DPYD: variants seen among roughly 807,000 people sequenced by gnomAD.
The protein encoded by DPYD is dihydropyrimidine dehydrogenase.
Under a neutral mutation model 116.2 loss-of-function variants are expected in DPYD, and 109 were observed. That is an observed-to-expected ratio of 0.94 (90% confidence interval 0.80 to 1.10). The LOEUF (loss-of-function observed/expected upper bound fraction) is 1.10. Ranked by LOEUF, DPYD falls within the 50% of genes least tolerant of loss-of-function variation. DPYD has a pLI of 0.00. For missense variants in DPYD, 1,302 were observed against 1,254.5 expected, an observed-to-expected ratio of 1.04 and a Z score of -0.57; for synonymous variants, 440 against 432.0, an observed-to-expected ratio of 1.02 and a Z score of -0.23.
chr1:97,187,841 T>A (rs6692657), intron 20 of DPYD, among the ~76,000 whole-genome samples: 1 of 152,238 alleles, frequency 6.6e-6, no homozygotes, highest in East Asian at 1.9e-4. Context: ...CTTGTCCTAG[T>A]GTATACTTTT....
intron 11 of DPYD, among the ~76,000 whole-genome samples, chr1:97,553,300 T>C (rs1052232272): frequency 3.5e-4 from 54 of 152,154 alleles, no homozygotes; most frequent in African/African-American, 1.3e-3. Context: ...TATTTAATCA[T>C]TTTCTTAAGC....
intron 14 of DPYD, among the ~76,000 whole-genome samples, chr1:97,417,973 C>A (rs920669423): frequency 6.6e-6 from 1 of 152,074 alleles, no homozygotes; most frequent in Non-Finnish European, 1.5e-5. Context: ...ATAAAAAGAT[C>A]CCTTATTTTG....
At chr1:97,877,997 A>T (rs1000700622) in intron 2 of DPYD, among the ~76,000 whole-genome samples, 1 of 152,006 alleles carries the variant, frequency 6.6e-6, no homozygotes. Flanking sequence ...TAAAAATTAA[A>T]CGTATTTGGA....
In DPYD at chr1:97,515,873, C is replaced by T; in HGVS notation, c.1593G>A (p.Val531=). ...ATCCGGCCATTTCTACACTAATGTC[C>T]ACCAGATCAATAGGAGTGTAAAAGA... is the stretch of plus-strand genomic sequence containing the variant. ...LPLFYTPIDL[V]DISVEMAGLK... Residue 531 remains valine, a synonymous_variant, in exon 13 of 23, where the codon GTG becomes GTA. Coordinates refer to ENST00000370192, the MANE Select transcript of DPYD (RefSeq NM_000110.4). 2 of 1,612,818 alleles carry T rather than the reference C, an allele frequency of 1.2e-6. No homozygotes were observed. The highest frequency in any genetic ancestry group is 1.1e-5 in the South Asian group (1 of 91,048).
chr1:97,282,394 T>G (rs1209933361), intron 18 of DPYD, among the ~76,000 whole-genome samples: 1 of 152,136 alleles, frequency 6.6e-6, no homozygotes, highest in African/African-American at 2.4e-5. Flanking sequence ...AGCTTTCCTT[T>G]ACCATTTTCT....
chr1:97,285,837 T>C (rs1343694519), intron 18 of DPYD, among the ~76,000 whole-genome samples: 1 of 152,082 alleles, frequency 6.6e-6, no homozygotes. Flanking sequence ...CTTCATATAT[T>C]TTAGTGAGAC....
intron 5 of DPYD, among the ~76,000 whole-genome samples, chr1:97,704,274 G>C (rs190785516): frequency 6.6e-6 from 1 of 152,036 alleles, no homozygotes; most frequent in South Asian, 2.1e-4. Flanking sequence ...GGGTGAATGG[G>C]GGGTAGTGAT....
intron 8 of DPYD, among the ~76,000 whole-genome samples, chr1:97,644,113 G>GA (rs925057177): frequency 4.0e-5 from 6 of 149,632 alleles, no homozygotes; most frequent in South Asian, 2.1e-4. Context: ...TTTAAAATCT[G>GA]AAAAAAAAAG....
intron 14 of DPYD, among the ~76,000 whole-genome samples, chr1:97,384,260 A>AAAAAC (rs1553167533): frequency 1.3e-5 from 2 of 150,096 alleles, no homozygotes; most frequent in Non-Finnish European, 1.5e-5. Context: ...AAAAAAAAAA[A>AAAAAC]AGATATGCTG....
At chr1:97,325,368 T>C (rs1279295322) in intron 16 of DPYD, among the ~76,000 whole-genome samples, 2 of 152,046 alleles carry the variant, frequency 1.3e-5, no homozygotes, top group Non-Finnish European at 2.9e-5. Flanking sequence ...GAACTTAACA[T>C]AAAACTGCTA....
intron 7 of DPYD, among the ~76,000 whole-genome samples, chr1:97,687,538 A>G (rs1056668558): frequency 6.6e-6 from 1 of 152,220 alleles, no homozygotes; most frequent in African/African-American, 2.4e-5. Context: ...TGGAATATAA[A>G]TTAGTTCAAC....
chr1:97,639,860 T>C lies in DPYD; in HGVS notation c.850+39235A>G, dbSNP rs183695675. ...TGGTCAAATTAGATCCTCAAACGCA[T>C]GTGTATGAACAGATGACGCAGAACA... On this transcript the variant is annotated intron_variant, in intron 8 of 22. Transcript: ENST00000370192. Among the ~76,000 whole-genome samples the C allele has an allele frequency of 4.7e-4, 72 of 152,304 alleles. No individual in the cohort carries two copies. The South Asian group carries it at 5.2e-3, about 11-fold the overall frequency.
intron 16 of DPYD, among the ~76,000 whole-genome samples, chr1:97,313,827 T>A (rs1667655948): frequency 6.6e-6 from 1 of 151,934 alleles, no homozygotes; most frequent in Non-Finnish European, 1.5e-5. Context: ...TCTTCTCTGT[T>A]CCATAATCAA....
intron 8 of DPYD, among the ~76,000 whole-genome samples, chr1:97,667,316 A>G (rs1294257701): frequency 1.3e-5 from 2 of 152,108 alleles, no homozygotes; most frequent in Non-Finnish European, 2.9e-5. Context: ...ATATAATCTA[A>G]TTGAGGCCCT....
chr1:97,720,068 G>A, intron 5 of DPYD: 1 of 984,430 alleles, frequency 1.0e-6, no homozygotes, highest in East Asian at 1.1e-4. Context: ...GTTCCCAGAG[G>A]GACAGTGTTC....
In DPYD at chr1:97,549,678, A is replaced by G. The variant is rs763557204; in HGVS notation, c.1406T>C (p.Met469Thr). ...WGLPEVDPET[M>T]QTSEAWVFAG... The stretch of plus-strand genomic sequence containing the variant: ...AAATACCCATGCTTCACTAGTTTGC[A>G]TAGTTTCTGGATCTACTTCTGGGAG... The change falls in exon 12 of 23, where the codon ATG becomes ACG. Residue 469 changes from methionine to threonine, a missense_variant. Physicochemically the swap from Met to Thr is moderately conservative, Grantham distance 81. Coordinates refer to ENST00000370192, the MANE Select transcript of DPYD (RefSeq NM_000110.4). 1.2e-6 allele frequency: 2 copies of G among 1,613,918 alleles called. No individual in the cohort carries two copies. Among genetic ancestry groups the G allele is most frequent in the South Asian group, 1.1e-5 (1 of 91,082 alleles).
chr1:97,873,008 AATTCTG>A (rs1671733958), intron 2 of DPYD, among the ~76,000 whole-genome samples: 1 of 151,482 alleles, frequency 6.6e-6, no homozygotes, highest in African/African-American at 2.4e-5. Context: ...TTTCAGTTTA[AATTCTG>A]GTTCCTCAGG....
rs189057294 is a variant in DPYD at position 97,724,735 on chromosome 1, C to T, written c.322-3064G>A. 2.0e-5 allele frequency among the ~76,000 whole-genome samples: 3 copies of T among 151,548 alleles called. No individual in the cohort carries two copies. In the East Asian group the frequency reaches 5.8e-4, roughly 29 times the overall value. ...TTCAAAAACACTCTCACAGAAACAT[C>T]CAAGATAAAATTTAACCAAATACTT... On this transcript the variant is annotated intron_variant, in intron 4 of 22. Transcript: ENST00000370192.
In DPYD at chr1:97,309,331, T is replaced by TTGTGTGTG. The variant is rs59669909; in HGVS notation, c.2059-3042_2059-3035dup. Among the ~76,000 whole-genome samples the TTGTGTGTG allele has an allele frequency of 5.4e-3, 795 of 147,642 alleles. 4 individuals carry two copies. Among genetic ancestry groups the TTGTGTGTG allele is most frequent in the Middle Eastern group, 0.017 (5 of 290 alleles). ...ATCTCTGTCACAGTAGTTGCTTGTC[T>TTGTGTGTG]TGTGTGTGTGTGTGTGTGTGTGTGT... On this transcript the variant is annotated intron_variant, in intron 16 of 22. Transcript: ENST00000370192.
Sources: gnomAD v4.1 joint callset for allele counts (sites outside exome capture counted in the v4.1 genomes callset) on GRCh38, gnomAD v4.1.1 for gene constraint, MANE v1.5 for transcripts, NCBI Gene and HGNC (gene_info 2026-07-23, HGNC 2026-07-21) for gene names.